Variants in ANGPTL2 observed in about 807,000 individuals in gnomAD.
ANGPTL2 encodes angiopoietin like 2.
ANGPTL2 carries 25 observed loss-of-function variants against 52.8 expected under a neutral mutation model. The ratio of observed to expected loss-of-function variants is 0.47; its 90% CI spans 0.35 to 0.66. The LOEUF (loss-of-function observed/expected upper bound fraction) is 0.66. Ranked by LOEUF, ANGPTL2 falls within the 30% of genes least tolerant of loss-of-function variation. The probability of loss-of-function intolerance (pLI) is 0.01; values close to 1 mark genes in which losing one functional copy is unlikely to be tolerated. For synonymous variants in ANGPTL2, 276 were observed against 277.4 expected (o/e 1.00, Z 0.05); for missense variants, 546 against 656.9 (o/e 0.83, Z 1.84).
Position 127,109,992 on chromosome 9 carries a change from A to G in ANGPTL2, c.-49-1212T>C, listed in dbSNP as rs528476891. Reference sequence around the variant, plus strand: ...TCCAGCAGTCCTCACCGTCTCCCCAACATCAGGATGGTTTTCCTATAATCA... The same window carrying G: ...TCCAGCAGTCCTCACCGTCTCCCCAGCATCAGGATGGTTTTCCTATAATCA... On this transcript the variant is annotated intron_variant, in intron 1 of 4. Transcript: ENST00000373425. 9.1e-4 allele frequency among the ~76,000 whole-genome samples: 138 copies of G among 152,276 alleles called. 1 individual carries two copies. Among genetic ancestry groups the G allele is most frequent in the Non-Finnish European group, 1.8e-3 (121 of 68,020 alleles).
chr9:127,110,846 A>C (rs755610413), intron 1 of ANGPTL2, among the ~76,000 whole-genome samples: 2 of 152,104 alleles, frequency 1.3e-5, no homozygotes, highest in Admixed American at 1.3e-4. Flanking sequence ...CCCTGTTGCA[A>C]CCCACCTGCA....
intron 2 of ANGPTL2, among the ~76,000 whole-genome samples, chr9:127,097,737 C>T (rs1320922377): frequency 1.3e-5 from 2 of 152,172 alleles, no homozygotes; most frequent in Admixed American, 6.5e-5. Flanking sequence ...ATAATGCCCT[C>T]GTAGGGGGCC....
At chr9:127,116,273 A>T (rs980965217) in intron 1 of ANGPTL2, among the ~76,000 whole-genome samples, 1 of 151,766 alleles carries the variant, frequency 6.6e-6, no homozygotes, top group Non-Finnish European at 1.5e-5. Context: ...CTCCAGGAAG[A>T]GTTCATGGAG....
intron 3 of ANGPTL2, among the ~76,000 whole-genome samples, chr9:127,092,844 G>C (rs998848276): frequency 1.2e-4 from 18 of 152,050 alleles, no homozygotes; most frequent in Non-Finnish European, 1.9e-4. Context: ...GTGGGGTGGG[G>C]GACAACCAGG....
intron 1 of ANGPTL2, 70 bp from the exon 2 acceptor site, chr9:127,108,850 C>T (rs1245577206): frequency 8.8e-7 from 1 of 1,130,802 alleles, no homozygotes; most frequent in Non-Finnish European, 1.2e-6. Context: ...ATCAGTGATC[C>T]CAGCCTTCTC....
In ANGPTL2 at chr9:127,107,973, G is replaced by A; in HGVS notation, c.759C>T (p.Pro253=). ...QSDQNLKVLP[P]PLPTMPTLTS... ...TGAGAGTGGGCATAGTGGGCAGAGG[G>A]GGTGGCAGCACCTTCAGGTTCTGGT... The change falls in exon 2 of 5, where the codon CCC becomes CCT. Residue 253 remains proline (P), a synonymous_variant. Transcript: ENST00000373425. 1 of 1,574,298 alleles carries A rather than the reference G, an allele frequency of 6.4e-7. No individual in the cohort carries two copies. The highest frequency in any genetic ancestry group is 8.7e-7 in the Non-Finnish European group (1 of 1,155,060).
At chr9:127,098,113 CA>C (rs1233573828) in intron 2 of ANGPTL2, among the ~76,000 whole-genome samples, 1 of 152,180 alleles carries the variant, frequency 6.6e-6, no homozygotes, top group East Asian at 1.9e-4. Flanking sequence ...CTTTTCAATA[CA>C]AGACTAAATG....
intron 2 of ANGPTL2, among the ~76,000 whole-genome samples, chr9:127,105,102 A>G (rs952275531): frequency 2.6e-5 from 4 of 152,138 alleles, no homozygotes; most frequent in African/African-American, 7.2e-5. Context: ...TTCATCTTCC[A>G]CAGCTAGGCA....
At position 127,088,826 on chromosome 9, in the gene ANGPTL2, C is replaced by T. The variant is rs757425064; in HGVS notation, c.*113G>A. 2.6e-5 allele frequency: 32 copies of T among 1,246,042 alleles called. No homozygotes were observed. The highest frequency in any genetic ancestry group is 2.0e-4 in the Middle Eastern group (1 of 5,038). The allele number at this position is 1,246,042 out of a possible 1,614,324, so 77.2% of individuals were successfully genotyped here. A position where few individuals can be genotyped will look rare whatever the true frequency, so the allele number is the denominator to read the frequency against. ...CTTCGGAAAACAGAATCCAGCATCC[C>T]GGTCCTCCCAGCCTCAGGATGAACT... On this transcript the variant is annotated 3_prime_UTR_variant, in exon 5 of 5. Coordinates refer to ENST00000373425, the MANE Select transcript of ANGPTL2 (RefSeq NM_012098.3).
chr9:127,098,297 G>A (rs1158157649), intron 2 of ANGPTL2, among the ~76,000 whole-genome samples: 2 of 152,210 alleles, frequency 1.3e-5, no homozygotes, highest in South Asian at 4.1e-4. Flanking sequence ...GTACCTAGCG[G>A]TGTTTAACTT....
At chr9:127,119,585 A>G (rs1368474442) in intron 1 of ANGPTL2, among the ~76,000 whole-genome samples, 1 of 152,158 alleles carries the variant, frequency 6.6e-6, no homozygotes. Flanking sequence ...ACTAGAACCT[A>G]CCTTCTAGGG....
chr9:127,090,936 C>T (rs2052393906), intron 4 of ANGPTL2, among the ~76,000 whole-genome samples: 1 of 152,154 alleles, frequency 6.6e-6, no homozygotes. Flanking sequence ...GTTTTTTTCT[C>T]TTGTTTTTTG....
chr9:127,101,254 C>T (rs1295845555), intron 2 of ANGPTL2, among the ~76,000 whole-genome samples: 1 of 152,238 alleles, frequency 6.6e-6, no homozygotes, highest in African/African-American at 2.4e-5. Context: ...TCCTCATAAG[C>T]CCCTGCACCT....
chr9:127,111,796 C>T (rs1359621494), intron 1 of ANGPTL2, among the ~76,000 whole-genome samples: 1 of 152,200 alleles, frequency 6.6e-6, no homozygotes, highest in Non-Finnish European at 1.5e-5. Context: ...AATCAGAAAG[C>T]TAGAAGGTGG....
intron 2 of ANGPTL2, among the ~76,000 whole-genome samples, chr9:127,096,987 C>G (rs561232203): frequency 2.1e-4 from 32 of 152,300 alleles, no homozygotes; most frequent in African/African-American, 7.0e-4. Context: ...TGTATGCACC[C>G]AGGGGGTGTG....
rs1480588452 is a variant in ANGPTL2 at position 127,088,019 on chromosome 9, G to A, written c.*920C>T. 6.6e-6 allele frequency: 1 copy of A among 152,636 alleles called. No individual in the cohort carries two copies. Among genetic ancestry groups the A allele is most frequent in the Non-Finnish European group, 1.5e-5 (1 of 68,058 alleles). The allele number at this position is 152,636 out of a possible 1,614,324, so 9.5% of individuals were successfully genotyped here. A position where few individuals can be genotyped will look rare whatever the true frequency, so the allele number is the denominator to read the frequency against. On this transcript the variant is annotated 3_prime_UTR_variant, in exon 5 of 5. Transcript: ENST00000373425. ...CCCAACCAGAAACCTGGAGCCCGGA[G>A]TGTTTCCTACTCAGAAGCTGAGGAA...
intron 1 of ANGPTL2, among the ~76,000 whole-genome samples, chr9:127,109,983 G>A (rs960784976): frequency 9.9e-5 from 15 of 152,180 alleles, no homozygotes; most frequent in African/African-American, 2.4e-4. Flanking sequence ...AGTCCTCACC[G>A]TCTCCCCAAC....
At chr9:127,096,118 T>G (rs1446316110) in intron 2 of ANGPTL2, among the ~76,000 whole-genome samples, 3 of 152,186 alleles carry the variant, frequency 2.0e-5, no homozygotes, top group Admixed American at 6.5e-5. Context: ...AGCAGCTGCT[T>G]CCTTTGCCAG....
intron 2 of ANGPTL2, among the ~76,000 whole-genome samples, chr9:127,101,856 G>T (rs2053761947): frequency 6.6e-6 from 1 of 152,126 alleles, no homozygotes; most frequent in South Asian, 2.1e-4. Flanking sequence ...TTCTCTGTGT[G>T]TATAGTAGTT....
Sources: allele counts gnomAD v4.1 joint callset (sites outside exome capture counted in the v4.1 genomes callset), GRCh38; gene constraint gnomAD v4.1.1; transcripts MANE v1.5; gene names NCBI Gene and HGNC (gene_info 2026-07-23, HGNC 2026-07-21).